Variants in HIPK3 observed in about 807,000 individuals in gnomAD.
HIPK3 encodes the protein homeodomain-interacting protein kinase 3.
Under a neutral mutation model 124.2 loss-of-function variants are expected in HIPK3, and 47 were observed. The ratio of observed to expected loss-of-function variants is 0.38; its 90% CI spans 0.30 to 0.48. The LOEUF (loss-of-function observed/expected upper bound fraction) is 0.48. Among genes scored for constraint, HIPK3 ranks in the 20% least tolerant of loss-of-function variants. HIPK3 has a pLI of 0.98. For missense variants in HIPK3, 1,286 were observed against 1,454.3 expected, an observed-to-expected ratio of 0.88 and a Z score of 1.88; for synonymous variants, 482 against 515.2, an observed-to-expected ratio of 0.94 and a Z score of 0.87.
Position 33,257,692 on chromosome 11 carries a change from G to T in HIPK3, c.-200G>T. The T allele has an allele frequency of 2.0e-6, 2 of 992,948 alleles. No individual in the cohort carries two copies. The highest frequency in any genetic ancestry group is 8.9e-5 in the South Asian group (2 of 22,366). 61.5% of individuals were successfully genotyped at this position (992,948 alleles called of 1,614,324 possible). A position where few individuals can be genotyped will look rare whatever the true frequency, so the allele number is the denominator to read the frequency against. Reference sequence around the variant, plus strand: ...AGCAGCAGCAGCAGCAGCAGCGGTCGGGGGAGGGTGTTTCGCCGTTTCCTC... The same window carrying T: ...AGCAGCAGCAGCAGCAGCAGCGGTCTGGGGAGGGTGTTTCGCCGTTTCCTC... On this transcript the variant is annotated 5_prime_UTR_variant, in exon 1 of 17. Transcript: ENST00000303296.
intron 1 of HIPK3, among the ~76,000 whole-genome samples, chr11:33,277,952 C>G (rs1851313922): frequency 6.6e-6 from 1 of 152,158 alleles, no homozygotes; most frequent in Non-Finnish European, 1.5e-5. Context: ...CATAATATGA[C>G]TTCTTTAGAT....
intron 9 of HIPK3, 83 bp downstream of exon 9, chr11:33,347,497 A>AT: frequency 6.3e-7 from 1 of 1,591,080 alleles, no homozygotes; most frequent in Non-Finnish European, 8.6e-7. Context: ...GATTTAATCC[A>AT]TTTTGTAGGT....
Position 33,345,130 on chromosome 11 carries a change from A to G in HIPK3, c.1898-2163A>G, listed in dbSNP as rs1232055196. On this transcript the variant is annotated intron_variant, in intron 8 of 16. Coordinates refer to ENST00000303296, the MANE Select transcript of HIPK3 (RefSeq NM_005734.5). ...ATAATATGTAGGTATAGGTATATAA[A>G]TACTATATCCATAAGACTGTGCTTA... is the stretch of plus-strand genomic sequence containing the variant. Among the ~76,000 whole-genome samples, 3 of 152,200 alleles carry G rather than the reference A, an allele frequency of 2.0e-5. No individual in the cohort carries two copies. In the East Asian group the frequency reaches 5.8e-4, roughly 29 times the overall value.
intron 1 of HIPK3, among the ~76,000 whole-genome samples, chr11:33,281,463 A>AT (rs1851411016): frequency 6.6e-6 from 1 of 152,102 alleles, no homozygotes. Context: ...AGATTATTTT[A>AT]TTTTTAGATA....
chr11:33,356,279 C>A lies in HIPK3; in HGVS notation c.*2711C>A, dbSNP rs1590200998. 1 of 151,972 alleles carries A rather than the reference C, an allele frequency of 6.6e-6. No individual in the cohort carries two copies. The highest frequency in any genetic ancestry group is 1.9e-4 in the East Asian group (1 of 5,204). The allele number at this position is 151,972 out of a possible 1,614,324, so 9.4% of individuals were successfully genotyped here. A position where few individuals can be genotyped will look rare whatever the true frequency, so the allele number is the denominator to read the frequency against. On this transcript the variant is annotated 3_prime_UTR_variant, in exon 17 of 17. Coordinates refer to ENST00000303296, the MANE Select transcript of HIPK3 (RefSeq NM_005734.5). ...AACTACACTGCTCTTTAATTGCAAT[C>A]ATGGGCATTTTAATGTATTTTAAAA... is the stretch of plus-strand genomic sequence containing the variant.
At chr11:33,313,458 G>T (rs1000653882) in intron 2 of HIPK3, among the ~76,000 whole-genome samples, 1 of 152,104 alleles carries the variant, frequency 6.6e-6, no homozygotes, top group Non-Finnish European at 1.5e-5. Flanking sequence ...TAGAAGTAAA[G>T]GGGTACAGTG....
intron 4 of HIPK3, among the ~76,000 whole-genome samples, chr11:33,338,410 T>C (rs1853222938): frequency 6.6e-6 from 1 of 152,156 alleles, no homozygotes; most frequent in Admixed American, 6.5e-5. Flanking sequence ...ATTTTTGTAT[T>C]TTTAGTAGAG....
intron 3 of HIPK3, among the ~76,000 whole-genome samples, chr11:33,336,027 G>A (rs987115940): frequency 2.0e-5 from 3 of 152,244 alleles, no homozygotes; most frequent in African/African-American, 7.2e-5. Context: ...GAGTCTCATG[G>A]AGAGGTAAGA....
chr11:33,352,339 G>C, intron 16 of HIPK3, 74 bp downstream of exon 16: 1 of 1,511,992 alleles, frequency 6.6e-7, no homozygotes. Flanking sequence ...GGAGGAGAAA[G>C]CTTCTGAAAC....
At chr11:33,260,944 A>G (rs746540870) in intron 1 of HIPK3, among the ~76,000 whole-genome samples, 122 of 151,604 alleles carry the variant, frequency 8.0e-4, no homozygotes, top group Non-Finnish European at 1.3e-3. Context: ...AAACTTTGTT[A>G]AAATGGATGA....
intron 2 of HIPK3, among the ~76,000 whole-genome samples, chr11:33,300,021 C>CAAAAAAAA (rs58435948): frequency 5.3e-5 from 5 of 95,128 alleles, no homozygotes; most frequent in African/African-American, 8.3e-5. Context: ...GACCCTGTCT[C>CAAAAAAAA]AAAAAAAAAA....
chr11:33,311,837 TACACACACAC>T (rs370396153), intron 2 of HIPK3, among the ~76,000 whole-genome samples: 20 of 104,406 alleles, frequency 1.9e-4, no homozygotes, highest in African/African-American at 6.0e-4. Flanking sequence ...ACCCTGTTTC[TACACACACAC>T]ACACACACAC....
chr11:33,351,446 G>C (rs1853654087), intron 14 of HIPK3, among the ~76,000 whole-genome samples, 162 bp from the exon 15 acceptor site: 1 of 152,080 alleles, frequency 6.6e-6, no homozygotes, highest in South Asian at 2.1e-4. Context: ...TAAGGGTCTA[G>C]AAATTTTATG....
chr11:33,275,162 C>T (rs2133883262), intron 1 of HIPK3, among the ~76,000 whole-genome samples: 1 of 152,162 alleles, frequency 6.6e-6, no homozygotes, highest in African/African-American at 2.4e-5. Context: ...GCCTCAGCCT[C>T]CTGAGTAGCT....
rs565303404 is a variant in HIPK3 at position 33,295,811 on chromosome 11, C to T, written c.1097+8300C>T. 3.3e-5 allele frequency among the ~76,000 whole-genome samples: 5 copies of T among 152,294 alleles called. No individual in the cohort carries two copies. In the South Asian group the frequency reaches 6.2e-4, roughly 19 times the overall value. On this transcript the variant is annotated intron_variant, in intron 2 of 16. Transcript: ENST00000303296. ...TCAATTTGTCCCATTATTGGTAAGG[C>T]GAACTTTGATCACTTGGTTGAGGTG...
At chr11:33,324,540 C>T (rs1456828979) in intron 2 of HIPK3, among the ~76,000 whole-genome samples, 2 of 152,162 alleles carry the variant, frequency 1.3e-5, no homozygotes, top group African/African-American at 4.8e-5. Context: ...CACTCAGAAT[C>T]CCCTTCAAGA....
intron 2 of HIPK3, among the ~76,000 whole-genome samples, chr11:33,301,534 C>A (rs1222863724): frequency 6.6e-6 from 1 of 151,622 alleles, no homozygotes; most frequent in Non-Finnish European, 1.5e-5. Flanking sequence ...TGCCTGTAAT[C>A]CCAGCACTTT....
At chr11:33,261,769 T>C (rs1300493965) in intron 1 of HIPK3, among the ~76,000 whole-genome samples, 2 of 152,196 alleles carry the variant, frequency 1.3e-5, no homozygotes, top group Non-Finnish European at 2.9e-5. Context: ...GGTAGTTCTG[T>C]TTTTAGCTCT....
rs1851702408 is a variant in HIPK3 at position 33,291,688 on chromosome 11, A to G, written c.1097+4177A>G. Among the ~76,000 whole-genome samples, 3 of 152,174 alleles carry G rather than the reference A, an allele frequency of 2.0e-5. No individual in the cohort carries two copies. In the South Asian group the frequency reaches 6.2e-4, roughly 32 times the overall value. On this transcript the variant is annotated intron_variant, in intron 2 of 16. Coordinates refer to ENST00000303296, the MANE Select transcript of HIPK3 (RefSeq NM_005734.5). Reference sequence around the variant, plus strand: ...TTTAGCGGCAGAAGGTGCTGTATTTATGAGGTGTGGTGGCAACATTTAGGT... The same window carrying G: ...TTTAGCGGCAGAAGGTGCTGTATTTGTGAGGTGTGGTGGCAACATTTAGGT...
Sources: gnomAD v4.1 joint callset for allele counts (sites outside exome capture counted in the v4.1 genomes callset) on GRCh38, gnomAD v4.1.1 for gene constraint, MANE v1.5 for transcripts, NCBI Gene and HGNC (gene_info 2026-07-23, HGNC 2026-07-21) for gene names.